Variants in ZNF335 observed in about 807,000 individuals in gnomAD.
ZNF335 encodes the protein NRC-interacting factor 1.
Under a neutral mutation model 145.6 loss-of-function variants are expected in ZNF335, and 84 were observed. That is an observed-to-expected ratio of 0.58 (90% CI 0.48 to 0.69). The LOEUF is 0.69. Ranked by LOEUF, ZNF335 falls within the 30% of genes least tolerant of loss-of-function variation. The probability of loss-of-function intolerance (pLI) is 0.00; values close to 1 mark genes in which losing one functional copy is unlikely to be tolerated. For synonymous variants in ZNF335, 761 were observed against 717.0 expected (o/e 1.06, Z -0.98); for missense variants, 1,865 against 1,809.7 (o/e 1.03, Z -0.55).
rs751429289 is a variant in ZNF335, at chr20:45,960,747, G to A, written c.1666-15C>T. The A allele has an allele frequency of 4.3e-6, 7 of 1,613,362 alleles. No homozygotes were observed. In the South Asian group the frequency reaches 7.7e-5, roughly 18 times the overall value. On this transcript the variant is annotated splice_polypyrimidine_tract_variant and intron_variant, in intron 11 of 27. Coordinates refer to ENST00000322927, the MANE Select transcript of ZNF335 (RefSeq NM_022095.4). ...AGCTTTGGAGTCTAGGAAGGCATAA[G>A]AAGGGGCCAGATGGAGAAAGAAGTG...
rs755558588 is a variant in ZNF335 at position 45,960,871 on chromosome 20, G to A, written c.1658C>T (p.Pro553Leu). The change falls in exon 11 of 28, where the codon CCA (proline) becomes CTA (leucine). Residue 553 changes from proline to leucine, a missense_variant. Pro to Leu is a moderately conservative substitution (Grantham distance 98). Coordinates refer to ENST00000322927, the MANE Select transcript of ZNF335 (RefSeq NM_022095.4). ...CCAGCACGCCAGACTCACCGGATCT[G>A]GCCTCTTCTTCCTGTGGGGAAAAGG... is the stretch of plus-strand genomic sequence containing the variant. ...AVHSRDRKKR[P>L]DPTPKLSSFP... 1 of 1,613,768 alleles carries A rather than the reference G, an allele frequency of 6.2e-7. No homozygotes were observed. The highest frequency in any genetic ancestry group is 1.7e-5 in the Admixed American group (1 of 59,958).
chr20:45,967,148 T>C (rs1315731406), intron 6 of ZNF335: 1 of 251,878 alleles, frequency 4.0e-6, no homozygotes, highest in African/African-American at 2.2e-5. Context: ...GAGGCTGAGA[T>C]GGGAAGATGG....
At chr20:45,955,048 G>T (rs1401382644) in intron 17 of ZNF335, among the ~76,000 whole-genome samples, 1 of 151,974 alleles carries the variant, frequency 6.6e-6, no homozygotes, top group Non-Finnish European at 1.5e-5. Flanking sequence ...TGTGAGATTG[G>T]TAAAGATTTA....
intron 18 of ZNF335, among the ~76,000 whole-genome samples, chr20:45,953,196 T>C (rs1481556848): frequency 6.6e-6 from 1 of 152,320 alleles, no homozygotes; most frequent in African/African-American, 2.4e-5. Flanking sequence ...GCCTAAGAGT[T>C]TGGTGAACAT....
chr20:45,958,968 A>T (rs2083776052), intron 15 of ZNF335, among the ~76,000 whole-genome samples: 1 of 152,214 alleles, frequency 6.6e-6, no homozygotes, highest in African/African-American at 2.4e-5. Flanking sequence ...TTCTTGTATA[A>T]GAGAGAATAA....
chr20:45,968,962 G>T (rs1270426137), intron 3 of ZNF335: 1 of 155,436 alleles, frequency 6.4e-6, no homozygotes, highest in Non-Finnish European at 1.4e-5. Context: ...CCAAGAGTCT[G>T]AGGTTACAGT....
chr20:45,971,513 G>T, intron 1 of ZNF335, 53 bp from the exon 2 acceptor site: 1 of 1,519,022 alleles, frequency 6.6e-7, no homozygotes, highest in East Asian at 2.4e-5. Flanking sequence ...CCCCAGCCCC[G>T]GCAACCACGG....
rs902927430 is a variant in ZNF335 at position 45,953,879 on chromosome 20, C to T, written c.2512G>A (p.Gly838Ser). The T allele has an allele frequency of 5.0e-6, 8 of 1,613,704 alleles. No homozygotes were observed. The highest frequency in any genetic ancestry group is 1.6e-4 in the Middle Eastern group (1 of 6,062). Residue 838 changes from glycine to serine, a missense_variant, in exon 18 of 28, where the codon GGT (glycine) becomes AGT (serine). Coordinates refer to ENST00000322927, the MANE Select transcript of ZNF335 (RefSeq NM_022095.4). ...ASPGGQPSPEGATPQVVTLHV... is the reference protein window; with the variant it reads ...ASPGGQPSPESATPQVVTLHV... ...AGGGTGACCACCTGTGGAGTGGCAC[C>T]TTCAGGGGAGGGCTGCCCACCAGGG... is the stretch of plus-strand genomic sequence containing the variant.
Position 45,971,510 on chromosome 20 carries a change from C to T in ZNF335, c.-50-50G>A, listed in dbSNP as rs552261090. On this transcript the variant is annotated intron_variant, in intron 1 of 27. Transcript: ENST00000322927. ...GGAACAAGTGGGCCATCTCCCCAGCCCCGGCAACCACGGCCACCCATTTGC... is the reference window on the plus strand; with the variant it reads ...GGAACAAGTGGGCCATCTCCCCAGCTCCGGCAACCACGGCCACCCATTTGC... 4.1e-4 allele frequency: 625 copies of T among 1,527,718 alleles called. No homozygotes were observed. The African/African-American group carries it at 6.8e-3, about 17-fold the overall frequency. 94.6% of individuals were successfully genotyped at this position (1,527,718 alleles called of 1,614,324 possible). A position where few individuals can be genotyped will look rare whatever the true frequency, so the allele number is the denominator to read the frequency against.
At chr20:45,951,492 A>G (rs777574393) in intron 20 of ZNF335, among the ~76,000 whole-genome samples, 1 of 152,206 alleles carries the variant, frequency 6.6e-6, no homozygotes, top group African/African-American at 2.4e-5. Context: ...TATGGGAGAT[A>G]ACTGTTTCAC....
chr20:45,961,564 G>A (rs2083844630), intron 10 of ZNF335: 1 of 151,156 alleles, frequency 6.6e-6, no homozygotes, highest in African/African-American at 2.5e-5. Flanking sequence ...CACACAGCTG[G>A]AGCTACTGTC....
chr20:45,948,899 C>T lies in ZNF335; in HGVS notation c.*54G>A. On this transcript the variant is annotated 3_prime_UTR_variant, in exon 28 of 28. Coordinates refer to ENST00000322927, the MANE Select transcript of ZNF335 (RefSeq NM_022095.4). ...GAGGGAGGTGAGTCCTGGTGGCCCC[C>T]TACCCCCAGGAGAGCTGGCCGCAAA... 1 of 1,611,890 alleles carries T rather than the reference C, an allele frequency of 6.2e-7. No individual in the cohort carries two copies. Among genetic ancestry groups the T allele is most frequent in the Non-Finnish European group, 8.5e-7 (1 of 1,179,238 alleles).
At position 45,953,796 on chromosome 20, in the gene ZNF335, G is replaced by C. The variant is rs41280276; in HGVS notation, c.2595C>G (p.Asp865Glu). Reference sequence around the variant, plus strand: ...CAGGTGCCAGGGTGATCTGCGGTAGGTCAGGAGGGCCTAGCTGGCTCTCGG... The same window carrying C: ...CAGGTGCCAGGGTGATCTGCGGTAGCTCAGGAGGGCCTAGCTGGCTCTCGG... ...AAAESQLGPP[D>E]LPQITLAPGP... The change falls in exon 18 of 28, where the codon GAC becomes GAG. Residue 865 changes from aspartate (D) to glutamate (E), a missense_variant. Coordinates refer to ENST00000322927, the MANE Select transcript of ZNF335 (RefSeq NM_022095.4). 1 of 1,614,012 alleles carries C rather than the reference G, an allele frequency of 6.2e-7. No homozygotes were observed. The highest frequency in any genetic ancestry group is 8.5e-7 in the Non-Finnish European group (1 of 1,180,030).
At position 45,963,334 on chromosome 20, in the gene ZNF335, C is replaced by A. The variant is rs2083886187; in HGVS notation, c.1533+139G>T. ...GAGCGTTCTTCGGTACGCCAGTGAG[C>A]CAGACACGCGTTCTGAAGAGCAGCA... On this transcript the variant is annotated intron_variant, in intron 9 of 27. Transcript: ENST00000322927. 2.7e-5 allele frequency: 27 copies of A among 1,016,592 alleles called. No homozygotes were observed. The South Asian group carries it at 2.8e-4, about 11-fold the overall frequency. 63.0% of individuals were successfully genotyped at this position (1,016,592 alleles called of 1,614,324 possible).
At chr20:45,964,046 G>C (rs1255382873) in intron 7 of ZNF335, 56 bp from the exon 8 acceptor site, 1 of 1,501,824 alleles carries the variant, frequency 6.7e-7, no homozygotes, top group South Asian at 1.3e-5. Flanking sequence ...GACAGACGTG[G>C]ACAAGTGGGC....
chr20:45,949,648 G>A, intron 24 of ZNF335, 80 bp from the exon 25 acceptor site: 1 of 1,480,484 alleles, frequency 6.8e-7, no homozygotes, highest in Non-Finnish European at 9.2e-7. Context: ...AGGCAGAGTG[G>A]AAGACTAGGA....
chr20:45,955,241 C>G (rs915599894), intron 17 of ZNF335, among the ~76,000 whole-genome samples: 1 of 145,906 alleles, frequency 6.9e-6, no homozygotes, highest in Admixed American at 7.1e-5. Flanking sequence ...GTAGTCCCAG[C>G]TACTTGGGAG....
intron 1 of ZNF335, chr20:45,971,819 G>GC (rs1396837766): frequency 5.1e-6 from 5 of 985,152 alleles, no homozygotes; most frequent in Admixed American, 1.2e-4. Context: ...CAGCCCGCTG[G>GC]CCCCCTGGGT....
rs564168844 is a variant in ZNF335 at position 45,953,827 on chromosome 20, G to A, written c.2564C>T (p.Ala855Val). Residue 855 changes from alanine to valine, a missense_variant, in exon 18 of 28, where the codon GCA becomes GTA. By Grantham distance (64) the Ala-to-Val change is moderately conservative. Transcript: ENST00000322927. ...TLHVAEPGGG[A>V]AAESQLGPPD... ...AGGGCCTAGCTGGCTCTCGGCTGCT[G>A]CACCGCCCCCTGGCTCTGCCACGTG... 7.8e-5 allele frequency: 126 copies of A among 1,614,066 alleles called. 4 individuals carry two copies. The South Asian group carries it at 1.2e-3, about 15-fold the overall frequency.
Sources: allele counts gnomAD v4.1 joint callset (sites outside exome capture counted in the v4.1 genomes callset), GRCh38; gene constraint gnomAD v4.1.1; transcripts MANE v1.5; gene names NCBI Gene and HGNC (gene_info 2026-07-23, HGNC 2026-07-21).